The following ABCB5 variants were observed in gnomAD, a reference collection of about 807,000 sequenced individuals.
ABCB5 encodes the protein ATP binding cassette subfamily B member 5, also known as ATP-binding cassette sub-family B member 5.
Under a neutral mutation model 144.2 loss-of-function variants are expected in ABCB5, and 155 were observed. The observed-to-expected ratio is 1.08, with a 90% CI of 0.94 to 1.23. The LOEUF (loss-of-function observed/expected upper bound fraction) is 1.23. Among genes scored for constraint, ABCB5 ranks in the 50% most tolerant of loss-of-function variants. The pLI is 0.00. For missense variants in ABCB5, 1,830 were observed against 1,520.8 expected, an observed-to-expected ratio of 1.20 and a Z score of -3.38; for synonymous variants, 610 against 528.6, an observed-to-expected ratio of 1.15 and a Z score of -2.11.
chr7:20,637,836 G>A (rs1235239822), intron 5 of ABCB5, among the ~76,000 whole-genome samples: 1 of 152,154 alleles, frequency 6.6e-6, no homozygotes. Context: ...AGCCAACTCC[G>A]TGTTAGATTA....
At chr7:20,667,014 A>G in intron 14 of ABCB5, 1 of 660,144 alleles carries the variant, frequency 1.5e-6, no homozygotes. Context: ...TATCGGTTTT[A>G]GGTCACATGA....
At position 20,753,988 on chromosome 7, in the gene ABCB5, G is replaced by GCA. The variant is rs201531683; in HGVS notation, c.3576+485_3576+486dup. Among the ~76,000 whole-genome samples, 128 of 152,306 alleles carry GCA rather than the reference G, an allele frequency of 8.4e-4. No homozygotes were observed. The East Asian group carries it at 0.012, about 14-fold the overall frequency. On this transcript the variant is annotated intron_variant, in intron 27 of 27. Transcript: ENST00000404938. ...CAAAGTGACACATGAGAAAATACTT[G>GCA]CACAGCAAGCTTCTCCAGCTGTTTG...
At chr7:20,625,130 T>C (rs1783881889) in intron 2 of ABCB5, among the ~76,000 whole-genome samples, 1 of 152,126 alleles carries the variant, frequency 6.6e-6, no homozygotes, top group Non-Finnish European at 1.5e-5. Flanking sequence ...AGGAAAGGGA[T>C]TGTAGGGTTT....
chr7:20,616,576 A>G (rs1232065627), intron 1 of ABCB5, among the ~76,000 whole-genome samples: 2 of 152,332 alleles, frequency 1.3e-5, no homozygotes, highest in East Asian at 3.9e-4. Context: ...TGTATGTTCC[A>G]TAGTACTTGC....
chr7:20,681,987 A>C (rs1785846739), intron 15 of ABCB5, among the ~76,000 whole-genome samples: 1 of 152,052 alleles, frequency 6.6e-6, no homozygotes, highest in African/African-American at 2.4e-5. Context: ...CGGGCGGATC[A>C]TGAGGTCAGG....
chr7:20,651,317 TA>T, intron 12 of ABCB5, 102 bp from the exon 13 acceptor site: 1 of 1,032,908 alleles, frequency 9.7e-7, no homozygotes, highest in Admixed American at 2.4e-5. Context: ...CTTTGATTTC[TA>T]AAATATGCTA....
intron 14 of ABCB5, among the ~76,000 whole-genome samples, chr7:20,676,902 C>T (rs1470860982): frequency 6.6e-6 from 1 of 152,094 alleles, no homozygotes; most frequent in Non-Finnish European, 1.5e-5. Flanking sequence ...AAGATCCAAA[C>T]CCAGGACTTG....
intron 1 of ABCB5, among the ~76,000 whole-genome samples, chr7:20,617,324 C>T (rs989961675): frequency 1.3e-5 from 2 of 152,072 alleles, no homozygotes; most frequent in African/African-American, 4.8e-5. Context: ...TCATTCAGTA[C>T]ATGTGGGGCA....
chr7:20,680,854 A>G (rs990071989), intron 14 of ABCB5, among the ~76,000 whole-genome samples: 1 of 152,072 alleles, frequency 6.6e-6, no homozygotes, highest in Non-Finnish European at 1.5e-5. Flanking sequence ...TCTAATTTCT[A>G]TTGGCCTTCT....
At chr7:20,740,798 C>A (rs561352998) in intron 24 of ABCB5, among the ~76,000 whole-genome samples, 1 of 152,034 alleles carries the variant, frequency 6.6e-6, no homozygotes, top group Non-Finnish European at 1.5e-5. Flanking sequence ...CTGAATATCA[C>A]TCTACGCTTT....
At chr7:20,698,905 GC>G (rs2128043086) in intron 17 of ABCB5, among the ~76,000 whole-genome samples, 1 of 152,282 alleles carries the variant, frequency 6.6e-6, no homozygotes, top group Non-Finnish European at 1.5e-5. Context: ...TTTCTTACCA[GC>G]CAGCTCAGGG....
chr7:20,745,289 G>C lies in ABCB5; in HGVS notation c.3280G>C (p.Ala1094Pro). The change falls in exon 26 of 28, where the codon GCA becomes CCA. Residue 1094 changes from alanine to proline, a missense_variant. Physicochemically the swap from Ala to Pro is conservative, Grantham distance 27. Transcript: ENST00000404938. Reference protein sequence around the residue: ...LNVQWLRSQIAIVPQEPVLFN... With the variant: ...LNVQWLRSQIPIVPQEPVLFN... ...TGTACAGTGGCTCCGTTCCCAAATA[G>C]CAATCGTTCCTCAAGAGCCTGTGCT... 6.2e-7 allele frequency: 1 copy of C among 1,614,026 alleles called. No homozygotes were observed. Among genetic ancestry groups the C allele is most frequent in the East Asian group, 2.2e-5 (1 of 44,876 alleles).
At chr7:20,626,856 T>G (rs1294748704) in intron 3 of ABCB5, among the ~76,000 whole-genome samples, 10 of 80,022 alleles carry the variant, frequency 1.2e-4, no homozygotes, top group East Asian at 9.5e-4. Flanking sequence ...GTTTTTGGGG[T>G]GTGTGTGTGT....
intron 14 of ABCB5, among the ~76,000 whole-genome samples, chr7:20,669,979 G>A (rs1583413686): frequency 6.6e-6 from 1 of 152,324 alleles, no homozygotes; most frequent in East Asian, 1.9e-4. Context: ...AGTGGTATCA[G>A]CATAGGCTGA....
In ABCB5 at chr7:20,700,137, T is replaced by C. The variant is rs750166275; in HGVS notation, c.2337+2T>C. Reference sequence around the variant, plus strand: ...GCCTTCAAAGCCATGTTATATCAGGTCAGTGATAAGTTGATTTTTTTTTTA... The same window carrying C: ...GCCTTCAAAGCCATGTTATATCAGGCCAGTGATAAGTTGATTTTTTTTTTA... On this transcript the variant is annotated splice_donor_variant, in intron 19 of 27. Coordinates refer to ENST00000404938, the MANE Select transcript of ABCB5 (RefSeq NM_001163941.2). LOFTEE classifies it high-confidence loss of function. The C allele has an allele frequency of 6.3e-7, 1 of 1,590,330 alleles. No individual in the cohort carries two copies. Among genetic ancestry groups the C allele is most frequent in the Non-Finnish European group, 8.5e-7 (1 of 1,171,448 alleles).
chr7:20,677,940 T>C (rs1309832140), intron 14 of ABCB5, among the ~76,000 whole-genome samples: 1 of 152,146 alleles, frequency 6.6e-6, no homozygotes, highest in African/African-American at 2.4e-5. Flanking sequence ...AGCCTCTTCT[T>C]CAAAAACTAT....
At chr7:20,738,114 A>G (rs1782447817) in intron 23 of ABCB5, among the ~76,000 whole-genome samples, 1 of 152,190 alleles carries the variant, frequency 6.6e-6, no homozygotes, top group Non-Finnish European at 1.5e-5. Flanking sequence ...CAAACAAGCA[A>G]CTGGGTTCTG....
chr7:20,672,839 T>C (rs1484732821), intron 14 of ABCB5, among the ~76,000 whole-genome samples: 1 of 152,202 alleles, frequency 6.6e-6, no homozygotes, highest in Non-Finnish European at 1.5e-5. Context: ...GTTGTTCATA[T>C]ATGTGTGAGT....
chr7:20,737,400 A>C (rs1583461493), intron 23 of ABCB5, among the ~76,000 whole-genome samples: 1 of 151,944 alleles, frequency 6.6e-6, no homozygotes. Flanking sequence ...TGGGTCATTT[A>C]CCTCCCACAA....
Sources: allele counts gnomAD v4.1 joint callset (sites outside exome capture counted in the v4.1 genomes callset), GRCh38; gene constraint gnomAD v4.1.1; transcripts MANE v1.5; gene names NCBI Gene and HGNC (gene_info 2026-07-23, HGNC 2026-07-21).